RNF44: variants seen among roughly 807,000 people sequenced by gnomAD.
RNF44 encodes ring finger protein 44.
A neutral mutation model predicts 53.6 loss-of-function variants in RNF44; 25 were observed. The ratio of observed to expected loss-of-function variants is 0.47; its 90% CI spans 0.34 to 0.65. RNF44 has a LOEUF of 0.65. Ranked by LOEUF, RNF44 falls within the 30% of genes least tolerant of loss-of-function variation. RNF44 has a pLI of 0.01. For missense variants in RNF44, 581 were observed against 595.5 expected, an observed-to-expected ratio of 0.98 and a Z score of 0.25; for synonymous variants, 282 against 252.2, an observed-to-expected ratio of 1.12 and a Z score of -1.12.
At chr5:176,540,604 C>T (rs1757425215), upstream of RNF44, among the ~76,000 whole-genome samples, 1 of 152,336 alleles carries the variant, frequency 6.6e-6, no homozygotes, top group South Asian at 2.1e-4. Context: ...GTGACTGCTG[C>T]CCCTGCTCCC....
chr5:176,530,851 C>A lies in RNF44; in HGVS notation c.636G>T (p.Arg212=). 1 of 1,171,706 alleles carries A rather than the reference C, an allele frequency of 8.5e-7. No homozygotes were observed. Among genetic ancestry groups the A allele is most frequent in the Non-Finnish European group, 1.1e-6 (1 of 930,246 alleles). 72.6% of individuals were successfully genotyped at this position (1,171,706 alleles called of 1,614,324 possible). The change falls in exon 5 of 11, where the codon CGG becomes CGT. Residue 212 remains arginine, a synonymous_variant. Transcript: ENST00000274811. The part of the protein sequence containing the change: ...QFVSLQTQHP[R]MPLQRLDNDV... ...CATCGGACCCATGCCGACTCACCAT[C>A]CGAGGGTGCTGGGTCTGCAGAGACA... is the stretch of plus-strand genomic sequence containing the variant.
intron 1 of RNF44, among the ~76,000 whole-genome samples, chr5:176,533,539 T>C (rs1236570183): frequency 6.6e-6 from 1 of 152,040 alleles, no homozygotes; most frequent in African/African-American, 2.4e-5. Context: ...TGGGAGGTGA[T>C]GAAGGAAGTC....
upstream of RNF44, among the ~76,000 whole-genome samples, chr5:176,541,072 GCA>G (rs1351694284): frequency 1.3e-5 from 2 of 152,136 alleles, no homozygotes; most frequent in Admixed American, 6.5e-5. Context: ...TACTTTCATC[GCA>G]CAGAGGAAAG....
At chr5:176,529,249 G>A (rs753522053) in intron 10 of RNF44, 39 bp downstream of exon 10, 3 of 1,581,844 alleles carry the variant, frequency 1.9e-6, no homozygotes, top group Admixed American at 1.7e-5. Context: ...CCCCGTCACT[G>A]CATGAGGAAT....
rs556144001 is a variant in RNF44 at position 176,530,037 on chromosome 5, G to A, written c.926+45C>T. On this transcript the variant is annotated intron_variant, in intron 7 of 10. Coordinates refer to ENST00000274811, the MANE Select transcript of RNF44 (RefSeq NM_014901.5). ...TAGGTCTAACCACTGGAGGTTCCAG[G>A]AGAACAGGGCATCAGGGACCTGGGG... is the stretch of plus-strand genomic sequence containing the variant. 39 of 1,401,618 alleles carry A rather than the reference G, an allele frequency of 2.8e-5. 1 individual carries two copies. The highest frequency in any genetic ancestry group is 3.6e-5 in the Non-Finnish European group (39 of 1,072,864). The allele number at this position is 1,401,618 out of a possible 1,614,324, so 86.8% of individuals were successfully genotyped here.
At chr5:176,538,867 C>A (rs144518457), upstream of RNF44, among the ~76,000 whole-genome samples, 355 of 114,912 alleles carry the variant, frequency 3.1e-3, 1 homozygote, top group African/African-American at 0.011. Flanking sequence ...ATACAGGAAA[C>A]TGATTAACAA....
Position 176,530,628 on chromosome 5 carries a change from T to C in RNF44, c.755A>G (p.His252Arg). ...GTGCAGCGGATCGTGGGGCAGGTAG[T>C]GCAGGGGCACCGACGGGGAAAGGGC... is the stretch of plus-strand genomic sequence containing the variant. Reference protein sequence around the residue: ...GPALSPSVPLHYLPHDPLHQE... With the variant: ...GPALSPSVPLRYLPHDPLHQE... The change falls in exon 6 of 11, where the codon CAC (histidine) becomes CGC (arginine). Residue 252 changes from histidine (H) to arginine (R), a missense_variant. This residue lies in a region of RNF44 where 387 missense variants were observed against 366.0 expected (regional missense o/e 1.06). Coordinates refer to ENST00000274811, the MANE Select transcript of RNF44 (RefSeq NM_014901.5). 1 of 1,513,846 alleles carries C rather than the reference T, an allele frequency of 6.6e-7. No individual in the cohort carries two copies. The highest frequency in any genetic ancestry group is 8.8e-7 in the Non-Finnish European group (1 of 1,134,600). The allele number at this position is 1,513,846 out of a possible 1,614,324, so 93.8% of individuals were successfully genotyped here.
Position 176,530,173 on chromosome 5 carries a change from T to C in RNF44, c.835A>G (p.Thr279Ala), listed in dbSNP as rs1474899609. ...GGCTGCTGCAGGCGGTATCTCTGGG[T>C]GCTCAGTCTCCGTGGCATCATGTGA... is the stretch of plus-strand genomic sequence containing the variant. ...YSHMMPRRLS[T>A]QRYRLQQPLP... The change falls in exon 7 of 11, where the codon ACC becomes GCC. Residue 279 changes from threonine (T) to alanine (A), a missense_variant. Physicochemically the swap from Thr to Ala is moderately conservative, Grantham distance 58. Around this residue, in one of 3 missense-constraint regions of RNF44, gnomAD observed 11 missense variants for 31.0 expected, o/e 0.35. Transcript: ENST00000274811. 2.3e-6 allele frequency: 3 copies of C among 1,309,574 alleles called. No individual in the cohort carries two copies. Among genetic ancestry groups the C allele is most frequent in the Non-Finnish European group, 9.8e-7 (1 of 1,024,906 alleles). The allele number at this position is 1,309,574 out of a possible 1,614,324, so 81.1% of individuals were successfully genotyped here.
Position 176,527,487 on chromosome 5 carries a change from T to G in RNF44, c.*1541A>C, listed in dbSNP as rs1756131267. 6.6e-6 allele frequency: 1 copy of G among 152,430 alleles called. No homozygotes were observed. Among genetic ancestry groups the G allele is most frequent in the Non-Finnish European group, 1.5e-5 (1 of 68,008 alleles). 9.4% of individuals were successfully genotyped at this position (152,430 alleles called of 1,614,324 possible). A position where few individuals can be genotyped will look rare whatever the true frequency, so the allele number is the denominator to read the frequency against. On this transcript the variant is annotated 3_prime_UTR_variant, in exon 11 of 11. Coordinates refer to ENST00000274811, the MANE Select transcript of RNF44 (RefSeq NM_014901.5). ...TGGTTCTGTGTAAAACACGTGGGTT[T>G]TCAACACTGCTATAAATATAGAAAC...
In RNF44 at chr5:176,527,080, TTATATA is replaced by T. The variant is rs1202139530; in HGVS notation, c.*1942_*1947del. 6.6e-6 allele frequency: 1 copy of T among 152,090 alleles called. No individual in the cohort carries two copies. The highest frequency in any genetic ancestry group is 1.5e-5 in the Non-Finnish European group (1 of 68,008). 9.4% of individuals were successfully genotyped at this position (152,090 alleles called of 1,614,324 possible). On this transcript the variant is annotated 3_prime_UTR_variant, in exon 11 of 11. Coordinates refer to ENST00000274811, the MANE Select transcript of RNF44 (RefSeq NM_014901.5). The stretch of plus-strand genomic sequence containing the variant: ...TATATTTCTACATATATATGTAATT[TTATATA>T]TATATAAAACCTTTCTAACACAGAA...
In RNF44 at chr5:176,530,453, C is replaced by G. The variant is rs1002534001; in HGVS notation, c.801+129G>C. The G allele has an allele frequency of 5.1e-5, 57 of 1,119,562 alleles. 1 individual carries two copies. The highest frequency in any genetic ancestry group is 3.5e-4 in the African/African-American group (17 of 48,892). 69.4% of individuals were successfully genotyped at this position (1,119,562 alleles called of 1,614,324 possible). ...CAGCAGGCCTGCCTCCCAGCCGCCC[C>G]GGAGCCCACGTGCAAGTCAGCCCGG... On this transcript the variant is annotated intron_variant, in intron 6 of 10. Coordinates refer to ENST00000274811, the MANE Select transcript of RNF44 (RefSeq NM_014901.5).
rs1201944914 is a variant in RNF44, at chr5:176,528,979, G to A, written c.*49C>T. ...CATCCTCCCTGGGCCCCACCCACAA[G>A]TTTCCAGAGCTTCAGGCAGGGTTCT... is the stretch of plus-strand genomic sequence containing the variant. On this transcript the variant is annotated 3_prime_UTR_variant, in exon 11 of 11. Transcript: ENST00000274811. 1.9e-6 allele frequency: 3 copies of A among 1,578,180 alleles called. No individual in the cohort carries two copies. The highest frequency in any genetic ancestry group is 1.1e-5 in the South Asian group (1 of 87,816).
chr5:176,532,446 A>C lies in RNF44; in HGVS notation c.27T>G (p.Thr9=). 6.4e-7 allele frequency: 1 copy of C among 1,562,676 alleles called. No homozygotes were observed. Among genetic ancestry groups the C allele is most frequent in the South Asian group, 1.1e-5 (1 of 90,122 alleles). Residue 9 remains threonine, a synonymous_variant, in exon 2 of 11, where the codon ACT becomes ACG. Transcript: ENST00000274811. MRPWALAV[T]RWPPSAPVGQ... ...CCACGGGGGCGGAGGGTGGCCACCT[A>C]GTCACTGCCAGAGCCCATGGTCGCA...
rs750719348 is a variant in RNF44 at position 176,530,947 on chromosome 5, G to C, written c.540C>G (p.His180Gln). 212 of 1,456,676 alleles carry C rather than the reference G, an allele frequency of 1.5e-4. No individual in the cohort carries two copies. The highest frequency in any genetic ancestry group is 1.9e-4 in the Non-Finnish European group (208 of 1,105,682). 90.2% of individuals were successfully genotyped at this position (1,456,676 alleles called of 1,614,324 possible). The part of the protein sequence containing the change: ...QAYPHLISSD[H>Q]YILHPPPPAP... ...CCGGTGGTGGGGGGTGCAGGATGTA[G>C]TGGTCACTGGAGATGAGGTGGGGGT... The change falls in exon 5 of 11, where the codon CAC becomes CAG. Residue 180 changes from histidine to glutamine, a missense_variant. This residue lies in a region of RNF44 where 387 missense variants were observed against 366.0 expected (regional missense o/e 1.06). Transcript: ENST00000274811.
chr5:176,530,932 G>A lies in RNF44; in HGVS notation c.555C>T (p.Pro185=), dbSNP rs774002730. 8 of 1,439,700 alleles carry A rather than the reference G, an allele frequency of 5.6e-6. No individual in the cohort carries two copies. Among genetic ancestry groups the A allele is most frequent in the Middle Eastern group, 2.2e-4 (1 of 4,624 alleles). The allele number at this position is 1,439,700 out of a possible 1,614,324, so 89.2% of individuals were successfully genotyped here. A position where few individuals can be genotyped will look rare whatever the true frequency, so the allele number is the denominator to read the frequency against. The stretch of plus-strand genomic sequence containing the variant: ...GCTGGGGGGGTGGGGCCGGTGGTGG[G>A]GGGTGCAGGATGTAGTGGTCACTGG... ...LISSDHYILH[P]PPPAPPPQPT... Residue 185 remains proline (P), a synonymous_variant, in exon 5 of 11, where the codon CCC becomes CCT. Transcript: ENST00000274811.
chr5:176,529,872 A>G, intron 7 of RNF44, 54 bp from the exon 8 acceptor site: 1 of 1,483,464 alleles, frequency 6.7e-7, no homozygotes, highest in Non-Finnish European at 9.1e-7. Flanking sequence ...TGGGGCACAC[A>G]GAGCCGCTCT....
chr5:176,527,293 T>C lies in RNF44; in HGVS notation c.*1735A>G, dbSNP rs1247235705. ...CTAAGTAATTGTTGTATAAATCTTG[T>C]TTTTTAATGATGATCTTTTTAAATG... is the stretch of plus-strand genomic sequence containing the variant. On this transcript the variant is annotated 3_prime_UTR_variant, in exon 11 of 11. Coordinates refer to ENST00000274811, the MANE Select transcript of RNF44 (RefSeq NM_014901.5). 1.3e-5 allele frequency: 2 copies of C among 152,570 alleles called. No homozygotes were observed. The highest frequency in any genetic ancestry group is 1.5e-5 in the Non-Finnish European group (1 of 68,028). The allele number at this position is 152,570 out of a possible 1,614,324, so 9.5% of individuals were successfully genotyped here.
Position 176,537,007 on chromosome 5 carries a change from C to CGGGG in RNF44, c.-116_-113dup, listed in dbSNP as rs1383065221. On this transcript the variant is annotated 5_prime_UTR_variant, in exon 1 of 11. Transcript: ENST00000274811. ...TAGGACGGCCAAACTGGGCAGGGGG[C>CGGGG]GGGGGAGGGGGGGGGTGCCTGTCTG... 1 of 11,080 alleles carries CGGGG rather than the reference C, an allele frequency of 9.0e-5. No homozygotes were observed. Among genetic ancestry groups the CGGGG allele is most frequent in the Non-Finnish European group, 2.2e-4 (1 of 4,608 alleles). 0.7% of individuals were successfully genotyped at this position (11,080 alleles called of 1,614,324 possible).
chr5:176,532,631 T>A (rs1756804013), intron 1 of RNF44, 115 bp from the exon 2 acceptor site: 1 of 852,534 alleles, frequency 1.2e-6, no homozygotes, highest in East Asian at 3.1e-5. Flanking sequence ...TAATCCCAGC[T>A]ACTTGGGAGG....
Sources: gnomAD v4.1 joint callset for allele counts (sites outside exome capture counted in the v4.1 genomes callset) on GRCh38, gnomAD v4.1.1 for gene constraint, gnomAD v4.1.1 regional missense constraint, MANE v1.5 for transcripts, NCBI Gene and HGNC (gene_info 2026-07-23, HGNC 2026-07-21) for gene names.